Variants in DOK6 observed in about 807,000 individuals in gnomAD.
DOK6 encodes downstream of tyrosine kinase 6.
In DOK6, 22 loss-of-function variants were observed where a neutral mutation model predicts 44.0. The observed-to-expected ratio is 0.50, with a 90% CI of 0.36 to 0.71. DOK6 has a LOEUF of 0.71. DOK6 is among the 30% of genes least tolerant of loss of function. DOK6 has a pLI of 0.00. For synonymous variants in DOK6, 166 were observed against 145.5 expected (o/e 1.14, Z -1.01); for missense variants, 340 against 416.4 (o/e 0.82, Z 1.60).
At chr18:69,596,273 TAAAG>T (rs1983738480) in intron 2 of DOK6, among the ~76,000 whole-genome samples, 1 of 151,912 alleles carries the variant, frequency 6.6e-6, no homozygotes, top group African/African-American at 2.4e-5. Context: ...TTTTAAAAAA[TAAAG>T]AAATCAGCCT....
chr18:69,587,530 G>C (rs4891754), intron 2 of DOK6, among the ~76,000 whole-genome samples: 113,300 of 151,986 alleles, frequency 0.75, 44,574 homozygotes, highest in Non-Finnish European at 0.88. Context: ...ACATACGCAG[G>C]TTCTAGGGAC....
At chr18:69,676,632 A>G (rs752934984) in intron 3 of DOK6, among the ~76,000 whole-genome samples, 1 of 152,234 alleles carries the variant, frequency 6.6e-6, no homozygotes, top group Non-Finnish European at 1.5e-5. Context: ...GCAGACGTCA[A>G]TGGAAAGTTC....
At chr18:69,741,540 C>T (rs985502055) in intron 6 of DOK6, among the ~76,000 whole-genome samples, 2 of 152,144 alleles carry the variant, frequency 1.3e-5, no homozygotes, top group Non-Finnish European at 2.9e-5. Flanking sequence ...CTCTGTCACC[C>T]GGGCCAGAGT....
intron 7 of DOK6, chr18:69,781,172 T>C (rs1420773340): frequency 6.6e-6 from 1 of 152,160 alleles, no homozygotes; most frequent in Non-Finnish European, 1.5e-5. Flanking sequence ...CAGTTTTTTC[T>C]AGACTTCATC....
At chr18:69,520,916 AAGAG>A (rs1981666994) in intron 1 of DOK6, among the ~76,000 whole-genome samples, 1 of 151,890 alleles carries the variant, frequency 6.6e-6, no homozygotes, top group Non-Finnish European at 1.5e-5. Flanking sequence ...TAATGATAAA[AAGAG>A]AGGCCTCTTA....
chr18:69,566,211 C>T (rs1476319346), intron 2 of DOK6, among the ~76,000 whole-genome samples: 1 of 151,942 alleles, frequency 6.6e-6, no homozygotes, highest in Non-Finnish European at 1.5e-5. Flanking sequence ...GATCTCGGCT[C>T]ACTGTAAGCT....
At chr18:69,776,274 C>T (rs1291957090) in intron 7 of DOK6, among the ~76,000 whole-genome samples, 1 of 151,792 alleles carries the variant, frequency 6.6e-6, no homozygotes, top group Admixed American at 6.6e-5. Context: ...CATAAGATGC[C>T]ACAAACACAT....
intron 1 of DOK6, among the ~76,000 whole-genome samples, chr18:69,419,543 G>A (rs943289505): frequency 2.6e-5 from 4 of 152,190 alleles, no homozygotes; most frequent in South Asian, 2.1e-4. Context: ...CCCAGGATTC[G>A]GAATTAAAGG....
intron 1 of DOK6, among the ~76,000 whole-genome samples, chr18:69,493,496 A>G (rs1161594364): frequency 6.6e-6 from 1 of 151,836 alleles, no homozygotes; most frequent in African/African-American, 2.4e-5. Flanking sequence ...GGAGTGGAAC[A>G]CCATAATCTG....
chr18:69,767,953 T>A (rs1199702533), intron 7 of DOK6, among the ~76,000 whole-genome samples: 1 of 152,214 alleles, frequency 6.6e-6, no homozygotes, highest in Non-Finnish European at 1.5e-5. Flanking sequence ...TGGATTAGTA[T>A]AATCCACCAA....
At chr18:69,488,674 C>T (rs1411684777) in intron 1 of DOK6, among the ~76,000 whole-genome samples, 2 of 152,126 alleles carry the variant, frequency 1.3e-5, no homozygotes, top group Non-Finnish European at 2.9e-5. Context: ...CCATCAGATC[C>T]TGTACGACTT....
intron 1 of DOK6, among the ~76,000 whole-genome samples, chr18:69,504,398 A>G (rs1337284150): frequency 1.3e-5 from 2 of 152,098 alleles, no homozygotes; most frequent in African/African-American, 2.4e-5. Context: ...ACAATTTTTA[A>G]TGGAAGTAAC....
chr18:69,574,528 A>G (rs1237742508), intron 2 of DOK6, among the ~76,000 whole-genome samples: 1 of 152,010 alleles, frequency 6.6e-6, no homozygotes, highest in Admixed American at 6.6e-5. Flanking sequence ...TGACAAAGTA[A>G]AATAATGGGG....
chr18:69,529,734 T>G (rs868683570), intron 1 of DOK6, among the ~76,000 whole-genome samples: 16 of 152,224 alleles, frequency 1.1e-4, no homozygotes, highest in Admixed American at 2.6e-4. Flanking sequence ...TAAAGTTAAC[T>G]ATTAATGTTG....
chr18:69,792,139 G>C (rs1164309726), intron 7 of DOK6, among the ~76,000 whole-genome samples: 1 of 152,114 alleles, frequency 6.6e-6, no homozygotes, highest in Admixed American at 6.6e-5. Context: ...TTACCATGCT[G>C]TTTTAGTTAC....
chr18:69,709,609 A>G (rs1353761123), intron 5 of DOK6, among the ~76,000 whole-genome samples: 1 of 152,132 alleles, frequency 6.6e-6, no homozygotes. Flanking sequence ...TTTTACATAC[A>G]CATATCATAT....
intron 6 of DOK6, among the ~76,000 whole-genome samples, chr18:69,757,137 C>A (rs1324932408): frequency 6.6e-6 from 1 of 152,178 alleles, no homozygotes; most frequent in Admixed American, 6.5e-5. Context: ...AAACATGCCA[C>A]AGTTTTATCA....
intron 1 of DOK6, among the ~76,000 whole-genome samples, chr18:69,441,524 A>C (rs1246904726): frequency 6.6e-6 from 1 of 152,190 alleles, no homozygotes; most frequent in African/African-American, 2.4e-5. Context: ...TTTGTAAAGA[A>C]GAACCTTCAA....
At chr18:69,791,525 T>C (rs185198520) in intron 7 of DOK6, among the ~76,000 whole-genome samples, 2 of 152,334 alleles carry the variant, frequency 1.3e-5, no homozygotes, top group Admixed American at 1.3e-4. Flanking sequence ...CAGCTTTTCA[T>C]ACACCTGTTT....
Sources: gnomAD v4.1 joint callset for allele counts (sites outside exome capture counted in the v4.1 genomes callset) on GRCh38, gnomAD v4.1.1 for gene constraint, MANE v1.5 for transcripts, NCBI Gene and HGNC (gene_info 2026-07-23, HGNC 2026-07-21) for gene names.